CFI: variants seen among roughly 807,000 people sequenced by gnomAD.
CFI encodes complement factor I, also known as C3B/C4B inactivator.
CFI carries 66 observed loss-of-function variants against 78.8 expected under a neutral mutation model. The ratio of observed to expected loss-of-function variants is 0.84; its 90% CI spans 0.69 to 1.03. CFI has a LOEUF of 1.03. Ranked by LOEUF, CFI falls within the 50% of genes least tolerant of loss-of-function variation. The probability of loss-of-function intolerance (pLI) is 0.00; values close to 1 mark genes in which losing one functional copy is unlikely to be tolerated. For synonymous variants in CFI, 250 were observed against 232.6 expected (o/e 1.07, Z -0.68); for missense variants, 706 against 704.5 (o/e 1.00, Z -0.02).
At chr4:109,794,981 C>G (rs1037350134) in intron 1 of CFI, among the ~76,000 whole-genome samples, 1 of 152,074 alleles carries the variant, frequency 6.6e-6, no homozygotes, top group Non-Finnish European at 1.5e-5. Flanking sequence ...ATAAAAATAC[C>G]TTTATGAGAG....
chr4:109,746,028 A>G (rs115869144), intron 11 of CFI, among the ~76,000 whole-genome samples, 194 bp downstream of exon 11: 1 of 152,212 alleles, frequency 6.6e-6, no homozygotes, highest in South Asian at 2.1e-4. Context: ...ATCAAGCCTC[A>G]GGGCCTTCTG....
At chr4:109,764,997 G>A (rs912643714) in intron 2 of CFI, among the ~76,000 whole-genome samples, 1 of 152,166 alleles carries the variant, frequency 6.6e-6, no homozygotes, top group African/African-American at 2.4e-5. Context: ...ATGAAGCCAG[G>A]ATTTGGAACT....
Position 109,791,772 on chromosome 4 carries a change from G to T in CFI, c.57+10143C>A, listed in dbSNP as rs991394968. Among the ~76,000 whole-genome samples the T allele has an allele frequency of 8.6e-5, 13 of 151,728 alleles. 1 individual carries two copies. Among genetic ancestry groups the T allele is most frequent in the African/African-American group, 3.1e-4 (13 of 41,286 alleles). On this transcript the variant is annotated intron_variant, in intron 1 of 12. Coordinates refer to ENST00000394634, the MANE Select transcript of CFI (RefSeq NM_000204.5). ...TTGTAAGGGTGCAGCCTTATTTCTG[G>T]GTCCTCTATTCTTTTTTAATGTAGG...
rs1727097920 is a variant in CFI at position 109,761,764 on chromosome 4, G to A, written c.483-72C>T. The A allele has an allele frequency of 3.2e-6, 4 of 1,261,960 alleles. No homozygotes were observed. The South Asian group carries it at 4.8e-5, about 15-fold the overall frequency. The allele number at this position is 1,261,960 out of a possible 1,614,324, so 78.2% of individuals were successfully genotyped here. On this transcript the variant is annotated intron_variant, in intron 3 of 12. Transcript: ENST00000394634. ...TGCATTTATAACCCTACTGTAGCAG[G>A]TAAGAAACTAGAGTAATGTCCTCTC... is the stretch of plus-strand genomic sequence containing the variant.
At chr4:109,770,844 C>T (rs1476613747) in intron 1 of CFI, among the ~76,000 whole-genome samples, 1 of 152,034 alleles carries the variant, frequency 6.6e-6, no homozygotes, top group Non-Finnish European at 1.5e-5. Context: ...AAGCTAAGCC[C>T]CACAGAACCC....
At chr4:109,752,064 G>T (rs1407190138) in intron 8 of CFI, among the ~76,000 whole-genome samples, 1 of 152,124 alleles carries the variant, frequency 6.6e-6, no homozygotes, top group South Asian at 2.1e-4. Context: ...CTATTACCGT[G>T]ATTTAAAACA....
At chr4:109,756,901 GAAAGAAAGAAAGA>G (rs1561297541) in intron 7 of CFI, among the ~76,000 whole-genome samples, 10 of 36,456 alleles carry the variant, frequency 2.7e-4, no homozygotes, top group African/African-American at 9.6e-4. Context: ...AAGAAAGAAA[GAAAGAAAGAAAGA>G]AAGAAAGAAA....
chr4:109,749,541 G>A lies in CFI; in HGVS notation c.1002C>T (p.His334=), dbSNP rs751519838. 16 of 1,613,654 alleles carry A rather than the reference G, an allele frequency of 9.9e-6. No homozygotes were observed. The highest frequency in any genetic ancestry group is 1.4e-5 in the Non-Finnish European group (16 of 1,179,642). The stretch of plus-strand genomic sequence containing the variant: ...CTCCCACAATTCGTTTCCTTCGAAT[G>A]TGCATTCTGTTTTTAACTCCACAAG... ...KLSCGVKNRM[H]IRRKRIVGGK... is the part of the protein sequence containing the mutation. Residue 334 remains histidine (H), a synonymous_variant, in exon 9 of 13, where the codon CAC becomes CAT. Coordinates refer to ENST00000394634, the MANE Select transcript of CFI (RefSeq NM_000204.5).
chr4:109,746,270 A>G lies in CFI; in HGVS notation c.1381T>C (p.Phe461Leu), dbSNP rs886058983. 1.2e-6 allele frequency: 2 copies of G among 1,614,184 alleles called. No individual in the cohort carries two copies. The highest frequency in any genetic ancestry group is 1.6e-4 in the Middle Eastern group (1 of 6,062). The change falls in exon 11 of 13, where the codon TTC becomes CTC. Residue 461 changes from phenylalanine (F) to leucine (L), a missense_variant. By Grantham distance (22) the Phe-to-Leu change is conservative (BLOSUM62 0). Transcript: ENST00000394634. ...PACVPWSPYL[F>L]QPNDTCIVSG... ...ACGATGCATGTATCATTAGGTTGGA[A>G]TAGGTAAGGAGACCAGGGGACACAG...
chr4:109,790,934 A>T (rs190511171), intron 1 of CFI, among the ~76,000 whole-genome samples: 23 of 152,270 alleles, frequency 1.5e-4, no homozygotes, highest in Admixed American at 3.9e-4. Context: ...TTTATGATAG[A>T]ACAATTTGTA....
chr4:109,742,458 C>G (rs1723918047), intron 12 of CFI, 33 bp downstream of exon 12: 1 of 1,353,646 alleles, frequency 7.4e-7, no homozygotes, highest in East Asian at 2.3e-5. Flanking sequence ...ATACATACAT[C>G]TTGACATCTT....
At chr4:109,750,184 A>G (rs934092565) in intron 8 of CFI, among the ~76,000 whole-genome samples, 4 of 151,522 alleles carry the variant, frequency 2.6e-5, no homozygotes, top group East Asian at 1.9e-4. Context: ...TTTAGTAGAG[A>G]TGGGGTTTCA....
chr4:109,755,406 T>C (rs1400188422), intron 7 of CFI, among the ~76,000 whole-genome samples: 3 of 152,216 alleles, frequency 2.0e-5, no homozygotes, highest in South Asian at 2.1e-4. Context: ...CTTGCTACTA[T>C]GGTTTGAGTG....
At chr4:109,750,743 T>A (rs1281054395) in intron 8 of CFI, among the ~76,000 whole-genome samples, 1 of 152,184 alleles carries the variant, frequency 6.6e-6, no homozygotes, top group Non-Finnish European at 1.5e-5. Flanking sequence ...AAAATGAATA[T>A]TGCTGTTAAT....
At chr4:109,745,306 C>G (rs373623335) in intron 11 of CFI, among the ~76,000 whole-genome samples, 1 of 152,126 alleles carries the variant, frequency 6.6e-6, no homozygotes, top group African/African-American at 2.4e-5. Flanking sequence ...CTTCAGCCCC[C>G]CTCAACCTCC....
intron 1 of CFI, among the ~76,000 whole-genome samples, chr4:109,799,870 G>T (rs1339301035): frequency 6.6e-6 from 1 of 152,168 alleles, no homozygotes; most frequent in East Asian, 1.9e-4. Context: ...AAATTAGGGA[G>T]GGTATGGGGC....
At chr4:109,770,669 C>T (rs1728474861) in intron 1 of CFI, among the ~76,000 whole-genome samples, 1 of 149,920 alleles carries the variant, frequency 6.7e-6, no homozygotes, top group Admixed American at 6.6e-5. Flanking sequence ...TCTGTCTCCT[C>T]TCCAAGCTCT....
At chr4:109,732,585 C>T in the CFI span, among the ~76,000 whole-genome samples, 17 of 152,206 alleles carry the variant, frequency 1.1e-4, no homozygotes, top group South Asian at 6.2e-4. Flanking sequence ...TGGCCGGGTG[C>T]GGTGGCTCAC....
At chr4:109,768,163 T>A (rs1171694544) in intron 1 of CFI, among the ~76,000 whole-genome samples, 4 of 147,664 alleles carry the variant, frequency 2.7e-5, no homozygotes, top group Non-Finnish European at 6.0e-5. Flanking sequence ...GGATAGCATT[T>A]GGAGATATAC....
Sources: gnomAD v4.1 joint callset for allele counts (sites outside exome capture counted in the v4.1 genomes callset) on GRCh38, gnomAD v4.1.1 for gene constraint, MANE v1.5 for transcripts, NCBI Gene and HGNC (gene_info 2026-07-23, HGNC 2026-07-21) for gene names.